MAGI1: variants seen among roughly 807,000 people sequenced by gnomAD.
MAGI1 encodes membrane associated guanylate kinase, WW and PDZ domain containing 1.
In MAGI1, 58 loss-of-function variants were observed where a neutral mutation model predicts 139.9. The observed-to-expected ratio is 0.41, with a 90% confidence interval of 0.34 to 0.52. The LOEUF is 0.52. MAGI1 is among the 20% of genes least tolerant of loss of function. The pLI, the probability that MAGI1 is intolerant of heterozygous loss-of-function variation, is 0.12. For missense variants in MAGI1, 1,874 were observed against 1,901.6 expected (o/e 0.99, Z 0.27); for synonymous variants, 812 against 737.9 (o/e 1.10, Z -1.63).
At chr3:65,798,321 AAACAAACAAAC>A (rs2040281556) in intron 1 of MAGI1, among the ~76,000 whole-genome samples, 1 of 151,946 alleles carries the variant, frequency 6.6e-6, no homozygotes, top group African/African-American at 2.4e-5. Context: ...ACAAACAAAC[AAACAAACAAAC>A]AAACACAGCC....
At chr3:65,566,601 A>C (rs2108044778) in intron 2 of MAGI1, among the ~76,000 whole-genome samples, 1 of 152,122 alleles carries the variant, frequency 6.6e-6, no homozygotes, top group Non-Finnish European at 1.5e-5. Context: ...AGTTTTCCCA[A>C]GTCCGTGTTA....
At chr3:65,408,377 A>C (rs116200271) in intron 12 of MAGI1, among the ~76,000 whole-genome samples, 2,516 of 152,340 alleles carry the variant, frequency 0.017, 75 homozygotes, top group African/African-American at 0.057. Flanking sequence ...GAACACAGGT[A>C]ATTTTCAGCA....
intron 2 of MAGI1, among the ~76,000 whole-genome samples, chr3:65,586,301 A>C (rs1262195131): frequency 6.6e-6 from 1 of 152,178 alleles, no homozygotes; most frequent in Non-Finnish European, 1.5e-5. Flanking sequence ...AGATTATCCC[A>C]CTTACATGAT....
chr3:66,003,147 G>A (rs2066836495), intron 1 of MAGI1, among the ~76,000 whole-genome samples: 1 of 152,142 alleles, frequency 6.6e-6, no homozygotes, highest in African/African-American at 2.4e-5. Context: ...GATGAACAGG[G>A]CAGTTGGTGC....
At chr3:65,791,041 C>G (rs1354774324) in intron 1 of MAGI1, among the ~76,000 whole-genome samples, 2 of 152,122 alleles carry the variant, frequency 1.3e-5, no homozygotes, top group Non-Finnish European at 2.9e-5. Flanking sequence ...CATCACTGCA[C>G]TCCAGCCTGG....
intron 13 of MAGI1, among the ~76,000 whole-genome samples, chr3:65,396,722 C>T (rs772131062): frequency 2.3e-4 from 35 of 152,292 alleles, no homozygotes; most frequent in Non-Finnish European, 3.8e-4. Context: ...GCTACTGCAG[C>T]GATTTACATG....
chr3:65,809,378 T>G (rs2041075645), intron 1 of MAGI1, among the ~76,000 whole-genome samples: 1 of 152,140 alleles, frequency 6.6e-6, no homozygotes, highest in African/African-American at 2.4e-5. Context: ...TATGTAAAAC[T>G]TTATCAAGAT....
At position 65,896,538 on chromosome 3, in the gene MAGI1, G is replaced by A. The variant is rs555932431; in HGVS notation, c.313+141458C>T. 3.9e-5 allele frequency among the ~76,000 whole-genome samples: 6 copies of A among 152,270 alleles called. No homozygotes were observed. In the South Asian group the frequency reaches 6.2e-4, roughly 16 times the overall value. On this transcript the variant is annotated intron_variant, in intron 1 of 22. Coordinates refer to ENST00000402939, the MANE Select transcript of MAGI1 (RefSeq NM_001033057.2). ...AAAACATGAAAAACTGGCTGGACAC[G>A]GTGGTTCACACTTGTAGTCCCAGCT...
chr3:65,759,065 C>CAAAAAAAAAAAAAAAAAAA (rs200497203), intron 1 of MAGI1, among the ~76,000 whole-genome samples: 2 of 73,084 alleles, frequency 2.7e-5, no homozygotes, highest in African/African-American at 1.1e-4. Context: ...AGGCCCAGTG[C>CAAAAAAAAAAAAAAAAAAA]AAAAAAAAAA....
chr3:65,844,030 T>A (rs891173220), intron 1 of MAGI1: 2 of 375,720 alleles, frequency 5.3e-6, no homozygotes, highest in Non-Finnish European at 1.0e-5. Flanking sequence ...CCACCAAGTA[T>A]CTAAAAGATG....
chr3:65,390,881 C>G (rs1357087136), intron 14 of MAGI1, among the ~76,000 whole-genome samples: 1 of 152,178 alleles, frequency 6.6e-6, no homozygotes, highest in Non-Finnish European at 1.5e-5. Flanking sequence ...TTCCTTTTAA[C>G]TGAAGGGACG....
intron 1 of MAGI1, among the ~76,000 whole-genome samples, chr3:65,949,245 T>C (rs1475182008): frequency 6.6e-6 from 1 of 152,208 alleles, no homozygotes; most frequent in African/African-American, 2.4e-5. Context: ...AACATTTGTG[T>C]CCCTATATTC....
chr3:65,556,346 A>G (rs1410955298), intron 2 of MAGI1, among the ~76,000 whole-genome samples: 1 of 152,224 alleles, frequency 6.6e-6, no homozygotes, highest in Non-Finnish European at 1.5e-5. Flanking sequence ...GACTAGAATT[A>G]CATTTTTCTT....
intron 1 of MAGI1, among the ~76,000 whole-genome samples, chr3:65,752,055 G>A (rs113534908): frequency 3.3e-5 from 5 of 152,194 alleles, no homozygotes; most frequent in Non-Finnish European, 5.9e-5. Flanking sequence ...CCATCATCCC[G>A]CCTCAGCCCC....
At chr3:65,877,824 G>A (rs1015123725) in intron 1 of MAGI1, among the ~76,000 whole-genome samples, 8 of 152,110 alleles carry the variant, frequency 5.3e-5, no homozygotes, top group African/African-American at 1.9e-4. Context: ...ACAGGAACAT[G>A]GGGCCAGGCA....
At chr3:65,898,965 A>G (rs1299560049) in intron 1 of MAGI1, among the ~76,000 whole-genome samples, 2 of 152,210 alleles carry the variant, frequency 1.3e-5, no homozygotes, top group Non-Finnish European at 2.9e-5. Flanking sequence ...TCTGCAGCCC[A>G]GGCTGAAGTG....
chr3:65,783,613 C>A (rs1406985889), intron 1 of MAGI1, among the ~76,000 whole-genome samples: 1 of 152,094 alleles, frequency 6.6e-6, no homozygotes, highest in Non-Finnish European at 1.5e-5. Context: ...CCCACCTCAG[C>A]CTCCCCGAGT....
chr3:65,495,722 TGGAG>T (rs1361060602), intron 2 of MAGI1, among the ~76,000 whole-genome samples: 1 of 152,086 alleles, frequency 6.6e-6, no homozygotes, highest in Admixed American at 6.6e-5. Flanking sequence ...GACAGTGTCT[TGGAG>T]GGAGGGAGCA....
intron 2 of MAGI1, among the ~76,000 whole-genome samples, chr3:65,549,092 C>T (rs979740521): frequency 2.0e-5 from 3 of 152,108 alleles, no homozygotes; most frequent in African/African-American, 4.8e-5. Context: ...CCTGCTCGGG[C>T]CCTGCGCTCC....
Sources: gnomAD v4.1 joint callset for allele counts (sites outside exome capture counted in the v4.1 genomes callset) on GRCh38, gnomAD v4.1.1 for gene constraint, MANE v1.5 for transcripts, NCBI Gene and HGNC (gene_info 2026-07-23, HGNC 2026-07-21) for gene names.